The following CPQ variants were observed in gnomAD, a reference collection of about 807,000 sequenced individuals.
The protein encoded by CPQ is carboxypeptidase Q.
CPQ carries 37 observed loss-of-function variants against 45.7 expected under a neutral mutation model. The ratio of observed to expected loss-of-function variants is 0.81; its 90% CI spans 0.62 to 1.07. The LOEUF (loss-of-function observed/expected upper bound fraction) is 1.07. CPQ is among the 50% of genes least tolerant of loss of function. CPQ has a pLI of 0.00. For missense variants in CPQ, 537 were observed against 572.9 expected (o/e 0.94, Z 0.64); for synonymous variants, 186 against 205.8 (o/e 0.90, Z 0.82).
chr8:97,076,907 A>G (rs1205404446), intron 7 of CPQ, among the ~76,000 whole-genome samples: 1 of 152,176 alleles, frequency 6.6e-6, no homozygotes, highest in African/African-American at 2.4e-5. Context: ...AAACTTAACT[A>G]CTAATGAGCT....
At position 96,835,010 on chromosome 8, in the gene CPQ, T is replaced by G; in HGVS notation, c.471T>G (p.Asp157Glu). 6.2e-7 allele frequency: 1 copy of G among 1,613,546 alleles called. No individual in the cohort carries two copies. Residue 157 changes from aspartate (D) to glutamate (E), a missense_variant, in exon 3 of 8, where the codon GAT becomes GAG. Asp to Glu is a conservative substitution (Grantham distance 45, BLOSUM62 2). Transcript: ENST00000220763. ...TAEVLVVTSF[D>E]ELQRRASEAR... ...AAGTTCTGGTGGTGACCTCTTTCGA[T>G]GAACTGCAGAGAAGGGCCTCAGAAG...
intron 6 of CPQ, among the ~76,000 whole-genome samples, chr8:97,055,928 T>G (rs1349821543): frequency 6.6e-6 from 1 of 152,036 alleles, no homozygotes; most frequent in African/African-American, 2.4e-5. Context: ...GGCGAGACTT[T>G]TCCTCTATAA....
intron 1 of CPQ, among the ~76,000 whole-genome samples, chr8:96,674,941 C>T (rs185414921): frequency 7.4e-4 from 113 of 152,018 alleles, no homozygotes; most frequent in Non-Finnish European, 1.3e-3. Context: ...ATTGAAACAC[C>T]GATACCCTTA....
At chr8:96,990,807 C>G (rs1252026264) in intron 5 of CPQ, among the ~76,000 whole-genome samples, 1 of 152,192 alleles carries the variant, frequency 6.6e-6, no homozygotes, top group African/African-American at 2.4e-5. Context: ...TACCTATGGA[C>G]TGGGTAGCAG....
At chr8:96,887,266 G>A (rs189104169) in intron 4 of CPQ, among the ~76,000 whole-genome samples, 4 of 152,176 alleles carry the variant, frequency 2.6e-5, no homozygotes, top group East Asian at 3.9e-4. Context: ...AAAATAGTGC[G>A]GAAAGTTCAA....
intron 5 of CPQ, among the ~76,000 whole-genome samples, chr8:96,999,760 G>A (rs1809239660): frequency 6.6e-6 from 1 of 152,072 alleles, no homozygotes. Context: ...ACCCAGTAAT[G>A]ACATTGCTTG....
intron 2 of CPQ, among the ~76,000 whole-genome samples, chr8:96,813,393 C>T (rs960068227): frequency 1.3e-5 from 2 of 152,202 alleles, no homozygotes; most frequent in South Asian, 4.2e-4. Flanking sequence ...TCTAAGGTAC[C>T]TTTCCAAGAA....
intron 3 of CPQ, among the ~76,000 whole-genome samples, chr8:96,875,916 A>G (rs2130877885): frequency 6.6e-6 from 1 of 152,122 alleles, no homozygotes; most frequent in East Asian, 1.9e-4. Context: ...AATATTAAGT[A>G]TTCTACTTTA....
At chr8:97,096,675 G>A (rs1365200867) in intron 7 of CPQ, among the ~76,000 whole-genome samples, 1 of 152,158 alleles carries the variant, frequency 6.6e-6, no homozygotes, top group Non-Finnish European at 1.5e-5. Flanking sequence ...GTACTTGTAA[G>A]GAATGGAACA....
rs115767486 is a variant in CPQ at position 96,903,307 on chromosome 8, G to A, written c.849+23302G>A. Among the ~76,000 whole-genome samples, 413 of 152,292 alleles carry A rather than the reference G, an allele frequency of 2.7e-3. 2 individuals carry two copies. Among genetic ancestry groups the A allele is most frequent in the African/African-American group, 9.2e-3 (384 of 41,564 alleles). ...AAAGTGGAAACAAATAGAGTAGTAGGCATAGTTCTTAACAGCACTTCACTG... is the reference window on the plus strand; with the variant it reads ...AAAGTGGAAACAAATAGAGTAGTAGACATAGTTCTTAACAGCACTTCACTG... On this transcript the variant is annotated intron_variant, in intron 4 of 7. Transcript: ENST00000220763.
chr8:97,115,413 C>T (rs111966026), intron 7 of CPQ, among the ~76,000 whole-genome samples: 1 of 152,290 alleles, frequency 6.6e-6, no homozygotes, highest in African/African-American at 2.4e-5. Flanking sequence ...CTGTGTTGCT[C>T]AGTTAGCAGA....
At chr8:96,691,170 G>A (rs1384147698) in intron 1 of CPQ, among the ~76,000 whole-genome samples, 3 of 152,156 alleles carry the variant, frequency 2.0e-5, no homozygotes, top group African/African-American at 7.2e-5. Flanking sequence ...TTCCTTCAGA[G>A]GTTCTAGGGG....
At chr8:96,968,698 A>C (rs980558698) in intron 5 of CPQ, among the ~76,000 whole-genome samples, 2 of 152,240 alleles carry the variant, frequency 1.3e-5, no homozygotes, top group African/African-American at 4.8e-5. Flanking sequence ...GAGCTGGTCC[A>C]GTGGGGATCT....
At chr8:96,719,089 T>G (rs776157049) in intron 1 of CPQ, among the ~76,000 whole-genome samples, 6 of 152,234 alleles carry the variant, frequency 3.9e-5, no homozygotes, top group Non-Finnish European at 8.8e-5. Flanking sequence ...GCGCTCGCAC[T>G]CCTCAGCCCT....
intron 1 of CPQ, among the ~76,000 whole-genome samples, chr8:96,678,422 A>G (rs1809103603): frequency 6.6e-6 from 1 of 151,788 alleles, no homozygotes; most frequent in Non-Finnish European, 1.5e-5. Flanking sequence ...TTTCCTTTGG[A>G]TAAACACCCA....
rs532294201 is a variant in CPQ at position 97,143,346 on chromosome 8, T to C, written c.*163T>C. On this transcript the variant is annotated 3_prime_UTR_variant, in exon 8 of 8. Coordinates refer to ENST00000220763, the MANE Select transcript of CPQ (RefSeq NM_016134.4). ...CTTTCTTGATACTTTCCAAATTCTC[T>C]GATTCTAGAAAAAGGAATCATTCTC... The C allele has an allele frequency of 9.3e-5, 62 of 669,784 alleles. 2 individuals are homozygous for C. The South Asian group carries it at 1.3e-3, about 14-fold the overall frequency. The allele number at this position is 669,784 out of a possible 1,614,324, so 41.5% of individuals were successfully genotyped here.
chr8:97,105,990 T>C (rs935498830), intron 7 of CPQ, among the ~76,000 whole-genome samples: 6 of 152,212 alleles, frequency 3.9e-5, no homozygotes, highest in Non-Finnish European at 7.3e-5. Context: ...TTCCTTTCCA[T>C]TGGGAGGTCC....
chr8:96,839,976 A>T (rs1811585364), intron 3 of CPQ, among the ~76,000 whole-genome samples: 1 of 133,720 alleles, frequency 7.5e-6, no homozygotes, highest in Non-Finnish European at 1.6e-5. Context: ...CTACACATCT[A>T]ATGAAAGAAC....
At chr8:96,938,710 C>G (rs916392984) in intron 4 of CPQ, among the ~76,000 whole-genome samples, 14 of 152,136 alleles carry the variant, frequency 9.2e-5, no homozygotes, top group African/African-American at 3.4e-4. Context: ...TGACTGAACC[C>G]TATGGGAAGC....
Sources: allele counts gnomAD v4.1 joint callset (sites outside exome capture counted in the v4.1 genomes callset), GRCh38; gene constraint gnomAD v4.1.1; transcripts MANE v1.5; gene names NCBI Gene and HGNC (gene_info 2026-07-23, HGNC 2026-07-21).